MAGI1: variants seen among roughly 807,000 people sequenced by gnomAD.
MAGI1 encodes membrane-associated guanylate kinase, WW and PDZ domain-containing protein 1.
MAGI1 carries 58 observed loss-of-function variants against 139.9 expected under a neutral mutation model. The observed-to-expected ratio is 0.41, with a 90% confidence interval of 0.34 to 0.52. The LOEUF (loss-of-function observed/expected upper bound fraction) is 0.52, where lower values mean the gene tolerates loss of function less well. Among genes scored for constraint, MAGI1 ranks in the 20% least tolerant of loss-of-function variants. The pLI is 0.12. For missense variants in MAGI1, 1,874 were observed against 1,901.6 expected, an observed-to-expected ratio of 0.99 and a Z score of 0.27; for synonymous variants, 812 against 737.9, an observed-to-expected ratio of 1.10 and a Z score of -1.63.
Position 65,427,097 on chromosome 3 carries a change from T to C in MAGI1, c.2167+2423A>G, listed in dbSNP as rs530711112. ...GGGAGGCCGAGGCAGGTGGATCCCT[T>C]GAGCGCGGGAGTTCGAGACCAGCAT... On this transcript the variant is annotated intron_variant, in intron 12 of 22. Coordinates refer to ENST00000402939, the MANE Select transcript of MAGI1 (RefSeq NM_001033057.2). Among the ~76,000 whole-genome samples, 8 of 152,246 alleles carry C rather than the reference T, an allele frequency of 5.3e-5. No homozygotes were observed. In the South Asian group the frequency reaches 1.7e-3, roughly 32 times the overall value.
intron 1 of MAGI1, among the ~76,000 whole-genome samples, chr3:65,896,669 TCAAA>T (rs544246606): frequency 5.9e-5 from 9 of 152,002 alleles, no homozygotes; most frequent in Non-Finnish European, 8.8e-5. Context: ...AGACCCCGTC[TCAAA>T]CAAACAAACA....
intron 2 of MAGI1, among the ~76,000 whole-genome samples, chr3:65,497,970 G>A (rs1054524818): frequency 1.3e-5 from 2 of 152,168 alleles, no homozygotes; most frequent in African/African-American, 4.8e-5. Context: ...AGGCTAGCAG[G>A]AGGTTTCCCA....
At chr3:65,890,057 G>A (rs547641456) in intron 1 of MAGI1, among the ~76,000 whole-genome samples, 4 of 152,246 alleles carry the variant, frequency 2.6e-5, no homozygotes, top group Non-Finnish European at 4.4e-5. Flanking sequence ...TTTAGCTCCA[G>A]ATGACATTAA....
chr3:65,448,387 T>C (rs1257994161), intron 6 of MAGI1: 22 of 456,864 alleles, frequency 4.8e-5, no homozygotes, highest in African/African-American at 1.4e-4. Context: ...ACAGACCTTA[T>C]TGGGAGTAAA....
intron 2 of MAGI1, among the ~76,000 whole-genome samples, chr3:65,517,914 A>G (rs569541206): frequency 1.3e-5 from 2 of 152,320 alleles, no homozygotes; most frequent in South Asian, 4.1e-4. Context: ...AAAACCTAGT[A>G]TGATTTTTGC....
chr3:65,858,244 A>C (rs146733767), intron 1 of MAGI1, among the ~76,000 whole-genome samples: 1 of 152,374 alleles, frequency 6.6e-6, no homozygotes, highest in Non-Finnish European at 1.5e-5. Context: ...TTTCCAGAAG[A>C]CTTCTGCTCC....
chr3:65,571,148 C>T (rs2080937145), intron 2 of MAGI1, among the ~76,000 whole-genome samples: 1 of 152,072 alleles, frequency 6.6e-6, no homozygotes, highest in African/African-American at 2.4e-5. Flanking sequence ...ATGAAAAACC[C>T]AAATGCACCT....
chr3:65,475,306 G>A (rs559507953), intron 4 of MAGI1, among the ~76,000 whole-genome samples: 13 of 151,980 alleles, frequency 8.6e-5, no homozygotes, highest in African/African-American at 2.4e-4. Flanking sequence ...CTCTGCCTCC[G>A]GGGTTCAAGT....
intron 1 of MAGI1, among the ~76,000 whole-genome samples, chr3:65,716,268 G>A (rs1436934941): frequency 6.6e-6 from 1 of 152,194 alleles, no homozygotes; most frequent in Admixed American, 6.5e-5. Context: ...CAGGCCAGCT[G>A]ATTGTAATCC....
chr3:65,592,620 A>G (rs1028045092), intron 2 of MAGI1, among the ~76,000 whole-genome samples: 1 of 152,204 alleles, frequency 6.6e-6, no homozygotes, highest in African/African-American at 2.4e-5. Context: ...GAAAAAAGAA[A>G]AAAGCTATGT....
At position 65,534,813 on chromosome 3, in the gene MAGI1, T is replaced by G. The variant is rs568749783; in HGVS notation, c.431-41182A>C. Among the ~76,000 whole-genome samples, 19 of 152,288 alleles carry G rather than the reference T, an allele frequency of 1.2e-4. No homozygotes were observed. In the East Asian group the frequency reaches 2.9e-3, roughly 23 times the overall value. ...ATTTCTTGTTCAGTTTTTTCATTCT[T>G]GGCCACCAATCCAGGGCATCAGTAG... On this transcript the variant is annotated intron_variant, in intron 2 of 22. Coordinates refer to ENST00000402939, the MANE Select transcript of MAGI1 (RefSeq NM_001033057.2).
At chr3:65,483,548 G>C (rs1437225731) in intron 3 of MAGI1, among the ~76,000 whole-genome samples, 1 of 152,224 alleles carries the variant, frequency 6.6e-6, no homozygotes, top group Admixed American at 6.5e-5. Flanking sequence ...CTGAAAAATT[G>C]TAAGTGATTA....
intron 2 of MAGI1, among the ~76,000 whole-genome samples, chr3:65,601,061 A>T (rs2082459462): frequency 6.6e-6 from 1 of 152,210 alleles, no homozygotes; most frequent in Admixed American, 6.5e-5. Flanking sequence ...CTTAGATCTG[A>T]GTTCCCGGCA....
intron 1 of MAGI1, among the ~76,000 whole-genome samples, chr3:65,926,856 G>A (rs146567201): frequency 5.9e-5 from 9 of 152,206 alleles, no homozygotes; most frequent in African/African-American, 1.7e-4. Context: ...TTTGCTGGGC[G>A]CGGTGGTGCA....
intron 1 of MAGI1, among the ~76,000 whole-genome samples, chr3:65,692,038 G>A (rs1026137528): frequency 2.0e-5 from 3 of 152,054 alleles, no homozygotes; most frequent in African/African-American, 7.2e-5. Flanking sequence ...CTGTATTTGT[G>A]ATTGAATTAC....
intron 2 of MAGI1, among the ~76,000 whole-genome samples, chr3:65,576,076 G>A (rs906959756): frequency 6.6e-6 from 1 of 152,116 alleles, no homozygotes; most frequent in Non-Finnish European, 1.5e-5. Context: ...TTCTACCTCA[G>A]TAAAGATGTT....
intron 1 of MAGI1, among the ~76,000 whole-genome samples, chr3:65,963,186 T>C (rs1576281303): frequency 6.7e-6 from 1 of 149,294 alleles, no homozygotes; most frequent in East Asian, 2.0e-4. Context: ...GGGAGTGGCA[T>C]TTGTAGTCCC....
At chr3:65,643,217 C>A (rs923663091) in intron 1 of MAGI1, among the ~76,000 whole-genome samples, 5 of 152,070 alleles carry the variant, frequency 3.3e-5, no homozygotes, top group Admixed American at 3.3e-4. Context: ...TTCAGGGTCC[C>A]TTAGAAGAGC....
chr3:65,391,151 C>T lies in MAGI1; in HGVS notation c.2407G>A (p.Glu803Lys). 5.6e-6 allele frequency: 9 copies of T among 1,614,186 alleles called. No individual in the cohort carries two copies. The highest frequency in any genetic ancestry group is 7.6e-6 in the Non-Finnish European group (9 of 1,180,020). Reference sequence around the variant, plus strand: ...CCAGGATGCTACTCACGTCGGTTTTCATACATGCTCCTGGACTGGGCCCAG... The same window carrying T: ...CCAGGATGCTACTCACGTCGGTTTTTATACATGCTCCTGGACTGGGCCCAG... ...KIWAQSRSMYENRLPDYQEQD... is the reference protein window; with the variant it reads ...KIWAQSRSMYKNRLPDYQEQD... Residue 803 changes from glutamate (E) to lysine (K), a missense_variant, in exon 14 of 23, where the codon GAA becomes AAA. Glu to Lys is a moderately conservative substitution (Grantham distance 56). Coordinates refer to ENST00000402939, the MANE Select transcript of MAGI1 (RefSeq NM_001033057.2).
Sources: gnomAD v4.1 joint callset for allele counts (sites outside exome capture counted in the v4.1 genomes callset) on GRCh38, gnomAD v4.1.1 for gene constraint, MANE v1.5 for transcripts, NCBI Gene and HGNC (gene_info 2026-07-23, HGNC 2026-07-21) for gene names.